LRRC4C: variants seen among roughly 807,000 people sequenced by gnomAD.
LRRC4C encodes leucine-rich repeat-containing protein 4C.
In LRRC4C, 5 loss-of-function variants were observed where a neutral mutation model predicts 33.6. The observed-to-expected ratio is 0.15, with a 90% CI of 0.08 to 0.31. The LOEUF is 0.31. LRRC4C is among the 10% of genes least tolerant of loss of function. The pLI is 1.00. For synonymous variants in LRRC4C, 329 were observed against 302.0 expected (o/e 1.09, Z -0.93); for missense variants, 560 against 796.7 (o/e 0.70, Z 3.58).
At chr11:41,290,722 G>T (rs1422257146) in intron 1 of LRRC4C, among the ~76,000 whole-genome samples, 1 of 152,074 alleles carries the variant, frequency 6.6e-6, no homozygotes, top group Non-Finnish European at 1.5e-5. Flanking sequence ...TTAGATTCCT[G>T]CCATGAAGGG....
intron 2 of LRRC4C, among the ~76,000 whole-genome samples, chr11:40,812,605 A>G (rs1374270420): frequency 6.6e-6 from 1 of 152,172 alleles, no homozygotes. Flanking sequence ...CATAAAAATA[A>G]GAATAGGAAA....
intron 2 of LRRC4C, among the ~76,000 whole-genome samples, chr11:40,815,463 A>G (rs186930644): frequency 3.3e-5 from 5 of 152,314 alleles, no homozygotes; most frequent in African/African-American, 1.2e-4. Flanking sequence ...AACACATTTG[A>G]TAGATACTCC....
intron 2 of LRRC4C, among the ~76,000 whole-genome samples, chr11:40,886,548 C>G (rs891465353): frequency 6.6e-6 from 1 of 151,622 alleles, no homozygotes; most frequent in South Asian, 2.1e-4. Context: ...AGGGAGTTCT[C>G]TCTTTTTTTT....
intron 3 of LRRC4C, among the ~76,000 whole-genome samples, chr11:40,528,816 G>T (rs1227821993): frequency 6.6e-6 from 1 of 152,086 alleles, no homozygotes; most frequent in Non-Finnish European, 1.5e-5. Flanking sequence ...TTCTAAGGAA[G>T]GAAATCCTGC....
chr11:40,912,887 G>A lies in LRRC4C; in HGVS notation c.-407+20748C>T, dbSNP rs554073913. Among the ~76,000 whole-genome samples, 3 of 152,176 alleles carry A rather than the reference G, an allele frequency of 2.0e-5. No individual in the cohort carries two copies. In the East Asian group the frequency reaches 5.8e-4, roughly 29 times the overall value. On this transcript the variant is annotated intron_variant, in intron 2 of 6. Transcript: ENST00000528697. ...CCAATGGAAAACAAAAAAAGGCAGG[G>A]GTTGCAATCCTAGTCTCTGATAAAA...
chr11:40,359,620 AT>A (rs1283757677), intron 3 of LRRC4C, among the ~76,000 whole-genome samples: 1 of 152,136 alleles, frequency 6.6e-6, no homozygotes, highest in East Asian at 1.9e-4. Flanking sequence ...GACTAGATTA[AT>A]CCTCTTAGGC....
chr11:40,278,359 A>G (rs2136419107), intron 4 of LRRC4C, among the ~76,000 whole-genome samples: 1 of 152,292 alleles, frequency 6.6e-6, no homozygotes, highest in South Asian at 2.1e-4. Context: ...GTTAGATTAA[A>G]TCAAAGCTAG....
intron 2 of LRRC4C, among the ~76,000 whole-genome samples, chr11:40,690,112 G>C (rs1423681699): frequency 6.6e-6 from 1 of 152,076 alleles, no homozygotes; most frequent in Non-Finnish European, 1.5e-5. Context: ...AAGCAATTCT[G>C]TTAACCTCTC....
At chr11:41,309,252 T>A (rs1161995265) in intron 1 of LRRC4C, among the ~76,000 whole-genome samples, 3 of 152,114 alleles carry the variant, frequency 2.0e-5, no homozygotes, top group Non-Finnish European at 4.4e-5. Flanking sequence ...TGAAGCCACA[T>A]GGGTTGTGCA....
intron 1 of LRRC4C, among the ~76,000 whole-genome samples, chr11:40,954,197 A>G (rs912451377): frequency 3.3e-5 from 5 of 151,916 alleles, no homozygotes; most frequent in Non-Finnish European, 7.4e-5. Flanking sequence ...CAACATCCCC[A>G]ACATGTAACA....
chr11:40,428,700 C>A (rs1950805074), intron 3 of LRRC4C, among the ~76,000 whole-genome samples: 1 of 152,178 alleles, frequency 6.6e-6, no homozygotes, highest in East Asian at 1.9e-4. Context: ...ATGATATGAA[C>A]AGCATTCCTC....
At chr11:41,428,819 A>C (rs1275904746) in intron 1 of LRRC4C, among the ~76,000 whole-genome samples, 1 of 152,176 alleles carries the variant, frequency 6.6e-6, no homozygotes, top group Non-Finnish European at 1.5e-5. Context: ...CTTGTAGTCT[A>C]ATTGAGGAGA....
chr11:40,348,283 A>C (rs1565299251), intron 3 of LRRC4C, among the ~76,000 whole-genome samples: 3 of 151,710 alleles, frequency 2.0e-5, no homozygotes, highest in African/African-American at 4.8e-5. Context: ...AAAAAAAAAA[A>C]CCCAAAAAAT....
chr11:41,155,007 G>A (rs1364272354), intron 1 of LRRC4C, among the ~76,000 whole-genome samples: 4 of 152,122 alleles, frequency 2.6e-5, no homozygotes, highest in Non-Finnish European at 5.9e-5. Flanking sequence ...GGTAAGAAGA[G>A]GTGGCAACAA....
chr11:40,137,986 C>T (rs1857099484), intron 6 of LRRC4C, among the ~76,000 whole-genome samples: 1 of 152,164 alleles, frequency 6.6e-6, no homozygotes, highest in Non-Finnish European at 1.5e-5. Context: ...CACTAACTTA[C>T]ATACGCAGTT....
intron 3 of LRRC4C, among the ~76,000 whole-genome samples, chr11:40,405,023 T>G (rs1949908500): frequency 6.6e-6 from 1 of 152,092 alleles, no homozygotes; most frequent in African/African-American, 2.4e-5. Context: ...GAGTCCTCAT[T>G]AGATCTTTCG....
At chr11:40,918,630 A>T (rs1957054880) in intron 2 of LRRC4C, among the ~76,000 whole-genome samples, 1 of 152,010 alleles carries the variant, frequency 6.6e-6, no homozygotes, top group South Asian at 2.1e-4. Context: ...TAGCTTTTTA[A>T]ATAGGAAGAA....
chr11:41,230,346 T>A (rs1260702486), intron 1 of LRRC4C, among the ~76,000 whole-genome samples: 1 of 152,054 alleles, frequency 6.6e-6, no homozygotes, highest in Non-Finnish European at 1.5e-5. Flanking sequence ...GGCACTGTCA[T>A]CTTTCTGGAT....
chr11:40,665,924 T>G (rs528605134), intron 2 of LRRC4C, among the ~76,000 whole-genome samples: 1 of 152,240 alleles, frequency 6.6e-6, no homozygotes, highest in African/African-American at 2.4e-5. Context: ...TTTATGTATA[T>G]ACAAATACAT....
Sources: allele counts gnomAD v4.1 joint callset (sites outside exome capture counted in the v4.1 genomes callset), GRCh38; gene constraint gnomAD v4.1.1; transcripts MANE v1.5; gene names NCBI Gene and HGNC (gene_info 2026-07-23, HGNC 2026-07-21).